FAM76A: variants seen among roughly 807,000 people sequenced by gnomAD.
The protein encoded by FAM76A is family with sequence similarity 76 member A.
FAM76A carries 32 observed loss-of-function variants against 46.2 expected under a neutral mutation model. That is an observed-to-expected ratio of 0.69 (90% CI 0.52 to 0.93). The LOEUF (loss-of-function observed/expected upper bound fraction) is 0.93, where lower values mean the gene tolerates loss of function less well. FAM76A is among the 40% of genes least tolerant of loss of function. The pLI is 0.00. For missense variants in FAM76A, 274 were observed against 361.5 expected, an observed-to-expected ratio of 0.76 and a Z score of 1.96; for synonymous variants, 137 against 127.0, an observed-to-expected ratio of 1.08 and a Z score of -0.53.
rs1323206163 is a variant in FAM76A, at chr1:27,731,196, G to GA, written c.147-1405dup. Reference sequence around the variant, plus strand: ...CAGTGCTTAACTCTTAGAGAAATCAGAATTTTTTTTTTTTTTTTTTTTTTT... The same window carrying GA: ...CAGTGCTTAACTCTTAGAGAAATCAGAAATTTTTTTTTTTTTTTTTTTTTTT... On this transcript the variant is annotated intron_variant, in intron 2 of 8. Coordinates refer to ENST00000373954, the MANE Select transcript of FAM76A (RefSeq NM_152660.3). 1.9e-4 allele frequency among the ~76,000 whole-genome samples: 24 copies of GA among 127,898 alleles called. 1 individual carries two copies. Among genetic ancestry groups the GA allele is most frequent in the African/African-American group, 7.6e-4 (22 of 29,022 alleles). 83.9% of individuals were successfully genotyped at this position (127,898 alleles called of 152,430 possible).
In FAM76A at chr1:27,760,758, A is replaced by G. The variant is rs1410548454; in HGVS notation, c.*177A>G. Reference sequence around the variant, plus strand: ...GGAAACACCTGGTTTGTGCTGTGTTAGACTGCATGCTTGAGTGTTTGGGAT... The same window carrying G: ...GGAAACACCTGGTTTGTGCTGTGTTGGACTGCATGCTTGAGTGTTTGGGAT... On this transcript the variant is annotated 3_prime_UTR_variant, in exon 9 of 9. Coordinates refer to ENST00000373954, the MANE Select transcript of FAM76A (RefSeq NM_152660.3). 6 of 371,364 alleles carry G rather than the reference A, an allele frequency of 1.6e-5. No individual in the cohort carries two copies. The highest frequency in any genetic ancestry group is 3.1e-5 in the Non-Finnish European group (6 of 193,572). The allele number at this position is 371,364 out of a possible 1,614,324, so 23.0% of individuals were successfully genotyped here.
intron 5 of FAM76A, among the ~76,000 whole-genome samples, chr1:27,748,436 T>A (rs893660243): frequency 4.7e-5 from 7 of 149,886 alleles, no homozygotes; most frequent in African/African-American, 1.2e-4. Context: ...AAGAACTTTT[T>A]AAACTAGAAG....
chr1:27,748,123 T>G (rs1009355658), intron 5 of FAM76A, among the ~76,000 whole-genome samples: 11 of 137,162 alleles, frequency 8.0e-5, no homozygotes, highest in African/African-American at 2.0e-4. Context: ...AAAAGAAGTT[T>G]TTTTTTTTTT....
At chr1:27,746,711 A>G (rs1434579033) in intron 5 of FAM76A, among the ~76,000 whole-genome samples, 1 of 152,164 alleles carries the variant, frequency 6.6e-6, no homozygotes, top group Admixed American at 6.5e-5. Context: ...TCGGTGACAG[A>G]GCGAGACTCT....
rs191946028 is a variant in FAM76A, at chr1:27,734,389, T to C, written c.354+206T>C. Among the ~76,000 whole-genome samples, 13 of 151,692 alleles carry C rather than the reference T, an allele frequency of 8.6e-5. No homozygotes were observed. The East Asian group carries it at 2.5e-3, about 29-fold the overall frequency. On this transcript the variant is annotated intron_variant, in intron 4 of 8. Transcript: ENST00000373954. ...GGTGAAACCGCGTCTCTACTAAAAA[T>C]ACAAAAAATTAGCCAGGCGTGGTGG...
At chr1:27,743,018 G>C (rs539965187) in intron 4 of FAM76A, among the ~76,000 whole-genome samples, 60 of 152,206 alleles carry the variant, frequency 3.9e-4, no homozygotes, top group Admixed American at 9.2e-4. Flanking sequence ...AGCTGAGACT[G>C]TGCCACTGCA....
intron 5 of FAM76A, among the ~76,000 whole-genome samples, chr1:27,748,840 A>G (rs2088288971): frequency 6.6e-6 from 1 of 152,072 alleles, no homozygotes. Flanking sequence ...GGTAATATTT[A>G]ATTAATTAAG....
rs371068700 is a variant in FAM76A, at chr1:27,749,170, T to G, written c.599+16T>G. ...ATGGAGACAGGTGAGCCAGTTGGAG[T>G]ATGTGTGCGCACACATTTGAAATGC... On this transcript the variant is annotated intron_variant, in intron 6 of 8. Transcript: ENST00000373954. 516 of 1,564,554 alleles carry G rather than the reference T, an allele frequency of 3.3e-4. No homozygotes were observed. Among genetic ancestry groups the G allele is most frequent in the Non-Finnish European group, 4.0e-4 (456 of 1,149,472 alleles).
At chr1:27,728,678 T>C (rs1429256638) in intron 2 of FAM76A, among the ~76,000 whole-genome samples, 1 of 152,100 alleles carries the variant, frequency 6.6e-6, no homozygotes, top group Non-Finnish European at 1.5e-5. Context: ...AAGTGTGAAA[T>C]GGGCTGGGTA....
rs563923789 is a variant in FAM76A at position 27,758,446 on chromosome 1, CAG to C, written c.736-1079_736-1078del. On this transcript the variant is annotated intron_variant, in intron 7 of 8. Transcript: ENST00000373954. ...GGCACATAAAAGGATTTTTGTAAAA[CAG>C]GGACAAGATGAACACTTGTTTCTAC... 1.7e-3 allele frequency among the ~76,000 whole-genome samples: 261 copies of C among 152,254 alleles called. 1 individual carries two copies. Among genetic ancestry groups the C allele is most frequent in the African/African-American group, 5.9e-3 (246 of 41,542 alleles).
intron 4 of FAM76A, among the ~76,000 whole-genome samples, chr1:27,737,331 ATTGT>A (rs769874424): frequency 2.6e-4 from 39 of 152,224 alleles, no homozygotes; most frequent in Non-Finnish European, 4.7e-4. Flanking sequence ...TTTTATATTC[ATTGT>A]TTGTTCTCTT....
chr1:27,740,291 C>A, intron 4 of FAM76A: 1 of 796,974 alleles, frequency 1.3e-6, no homozygotes, highest in Non-Finnish European at 2.2e-6. Flanking sequence ...TGAAGGTTGG[C>A]CTTACCATCA....
Position 27,731,199 on chromosome 1 carries a change from T to A in FAM76A, c.147-1404T>A, listed in dbSNP as rs7535402. On this transcript the variant is annotated intron_variant, in intron 2 of 8. Transcript: ENST00000373954. ...TGCTTAACTCTTAGAGAAATCAGAA[T>A]TTTTTTTTTTTTTTTTTTTTTTTCG... 1.9e-3 allele frequency among the ~76,000 whole-genome samples: 191 copies of A among 98,326 alleles called. 3 individuals carry two copies. Among genetic ancestry groups the A allele is most frequent in the African/African-American group, 0.013 (132 of 9,942 alleles). 64.5% of individuals were successfully genotyped at this position (98,326 alleles called of 152,430 possible).
chr1:27,727,373 A>G, intron 1 of FAM76A, 99 bp from the exon 2 acceptor site: 1 of 923,126 alleles, frequency 1.1e-6, no homozygotes, highest in Non-Finnish European at 1.8e-6. Context: ...TCACTCAAGC[A>G]TAGTAGCTAT....
At chr1:27,743,454 T>C (rs1055727820) in intron 4 of FAM76A, among the ~76,000 whole-genome samples, 5 of 152,130 alleles carry the variant, frequency 3.3e-5, no homozygotes, top group Admixed American at 6.6e-5. Context: ...ACAATAAATA[T>C]ATACAAATTT....
chr1:27,733,974 A>G (rs765847184), intron 3 of FAM76A, 57 bp from the exon 4 acceptor site: 4 of 1,521,638 alleles, frequency 2.6e-6, no homozygotes, highest in Non-Finnish European at 2.7e-6. Context: ...TGCTTTTTTA[A>G]ATGCAGTGGT....
chr1:27,760,388 TCTGACCCTCCA>T, intron 8 of FAM76A, 96 bp from the exon 9 acceptor site: 1 of 811,622 alleles, frequency 1.2e-6, no homozygotes. Flanking sequence ...TTCATCTCTT[TCTGACCCTCCA>T]CATTGTCTGC....
chr1:27,751,161 G>A (rs1239876933), intron 6 of FAM76A, among the ~76,000 whole-genome samples: 1 of 151,976 alleles, frequency 6.6e-6, no homozygotes, highest in Non-Finnish European at 1.5e-5. Context: ...AAAAAAGGTA[G>A]GGGAGATAAC....
chr1:27,750,006 A>G (rs1014800527), intron 6 of FAM76A, among the ~76,000 whole-genome samples: 1 of 152,148 alleles, frequency 6.6e-6, no homozygotes, highest in Non-Finnish European at 1.5e-5. Flanking sequence ...GTGTTGGTAC[A>G]GTGGGCTGCT....
Sources: allele counts gnomAD v4.1 joint callset (sites outside exome capture counted in the v4.1 genomes callset), GRCh38; gene constraint gnomAD v4.1.1; transcripts MANE v1.5; gene names NCBI Gene and HGNC (gene_info 2026-07-23, HGNC 2026-07-21).